The following TRPV1 variants were observed in gnomAD, a reference collection of about 807,000 sequenced individuals.
TRPV1 encodes OTRPC1.
TRPV1 carries 82 observed loss-of-function variants against 82.3 expected under a neutral mutation model. The observed-to-expected ratio is 1.00, with a 90% CI of 0.83 to 1.20. The LOEUF is 1.20. Among genes scored for constraint, TRPV1 ranks in the 50% most tolerant of loss-of-function variants. The pLI is 0.00. For synonymous variants in TRPV1, 515 were observed against 467.7 expected, an observed-to-expected ratio of 1.10 and a Z score of -1.30; for missense variants, 1,067 against 1,096.8, an observed-to-expected ratio of 0.97 and a Z score of 0.38.
At chr17:3,594,957 G>A (rs1426635280) in intron 2 of TRPV1, among the ~76,000 whole-genome samples, 2 of 152,306 alleles carry the variant, frequency 1.3e-5, no homozygotes, top group African/African-American at 2.4e-5. Flanking sequence ...AGGAGGCCGG[G>A]TTAGAACCAG....
chr17:3,588,194 C>T lies in TRPV1; in HGVS notation c.1218G>A (p.Glu406=). 1 of 1,559,898 alleles carries T rather than the reference C, an allele frequency of 6.4e-7. No individual in the cohort carries two copies. Among genetic ancestry groups the T allele is most frequent in the Non-Finnish European group, 8.7e-7 (1 of 1,152,000 alleles). ...CTGTGCCCCAGCCACTCACAGGGGTCTCGCTGCTGCTGTAGGCGATCACCT... is the reference window on the plus strand; with the variant it reads ...CTGTGCCCCAGCCACTCACAGGGGTTTCGCTGCTGCTGTAGGCGATCACCT... The part of the protein sequence containing the change: ...VLEVIAYSSS[E]TPNRHDMLLV... Residue 406 remains glutamate, a synonymous_variant, in exon 8 of 17, where the codon GAG becomes GAA. Coordinates refer to ENST00000572705, the MANE Select transcript of TRPV1 (RefSeq NM_080704.4).
At chr17:3,592,652 C>A in intron 2 of TRPV1, 2 of 439,106 alleles carry the variant, frequency 4.6e-6, no homozygotes, top group East Asian at 4.2e-5. Context: ...GGCTCAGAGC[C>A]ATCTGTGGTT....
At chr17:3,581,214 C>A (rs950448890) in intron 10 of TRPV1, among the ~76,000 whole-genome samples, 3 of 152,052 alleles carry the variant, frequency 2.0e-5, no homozygotes, top group African/African-American at 7.2e-5. Flanking sequence ...AACTCCTGGC[C>A]TCAGCCTCCC....
chr17:3,584,068 C>A (rs975440643), intron 9 of TRPV1, among the ~76,000 whole-genome samples: 1 of 151,710 alleles, frequency 6.6e-6, no homozygotes, highest in Non-Finnish European at 1.5e-5. Flanking sequence ...GTCGAGAGTT[C>A]GAGACCAGCC....
chr17:3,595,080 G>A (rs1018186), intron 2 of TRPV1, among the ~76,000 whole-genome samples: 24,265 of 152,088 alleles, frequency 0.16, 6,286 homozygotes, highest in African/African-American at 0.55. Context: ...ATAACACCCC[G>A]TCAAGGACCG....
At chr17:3,602,016 C>T (rs1160836278) in intron 2 of TRPV1, 1 of 152,098 alleles carries the variant, frequency 6.6e-6, no homozygotes, top group Admixed American at 6.6e-5. Flanking sequence ...GTGTTGAGTG[C>T]GTACAACGTC....
Position 3,579,655 on chromosome 17 carries a change from T to C in TRPV1, c.1547+802A>G, listed in dbSNP as rs534238313. Among the ~76,000 whole-genome samples the C allele has an allele frequency of 1.3e-3, 195 of 152,216 alleles. 1 individual carries two copies. Among genetic ancestry groups the C allele is most frequent in the African/African-American group, 4.6e-3 (190 of 41,536 alleles). ...CATGCCTGCCTAATTTTTGTATTTT[T>C]AGTAGAGACGGGGTTTCACCATGTT... On this transcript the variant is annotated intron_variant, in intron 11 of 16. Transcript: ENST00000572705.
At chr17:3,577,005 A>AC in intron 13 of TRPV1, 121 bp downstream of exon 13, 1 of 967,938 alleles carries the variant, frequency 1.0e-6, no homozygotes, top group Non-Finnish European at 1.5e-6. Context: ...CCACCCTCTC[A>AC]GTCACCTGCA....
At chr17:3,600,447 G>A (rs1287965577) in intron 2 of TRPV1, among the ~76,000 whole-genome samples, 4 of 152,132 alleles carry the variant, frequency 2.6e-5, no homozygotes, top group Non-Finnish European at 5.9e-5. Flanking sequence ...AAATTAGCTG[G>A]GCGTGGTGGT....
Position 3,588,240 on chromosome 17 carries a change from C to A in TRPV1, c.1172G>T (p.Cys391Phe). The change falls in exon 8 of 17, where the codon TGC (cysteine) becomes TTC (phenylalanine). Residue 391 changes from cysteine to phenylalanine, a missense_variant. By Grantham distance (205) the Cys-to-Phe change is radical. Transcript: ENST00000572705. ...SLYDLSCIDT[C>F]EKNSVLEVIA... ...CACCTCCAGCACCGAGTTCTTCTCG[C>A]AGGTGTCGATGCAGGACAGGTCGTA... 2 of 1,580,464 alleles carry A rather than the reference C, an allele frequency of 1.3e-6. No individual in the cohort carries two copies. Among genetic ancestry groups the A allele is most frequent in the Non-Finnish European group, 1.7e-6 (2 of 1,163,826 alleles).
chr17:3,584,134 G>A (rs978518788), intron 9 of TRPV1, among the ~76,000 whole-genome samples: 1 of 151,980 alleles, frequency 6.6e-6, no homozygotes, highest in African/African-American at 2.4e-5. Flanking sequence ...GCCAGGCGTG[G>A]TAGCTCATGG....
intron 11 of TRPV1, among the ~76,000 whole-genome samples, chr17:3,579,285 G>A (rs1015378848): frequency 6.6e-6 from 1 of 152,112 alleles, no homozygotes; most frequent in Non-Finnish European, 1.5e-5. Context: ...TGCGGTTTGT[G>A]AGTCGTACGG....
In TRPV1 at chr17:3,572,130, C is replaced by T; in HGVS notation, c.2223G>A (p.Trp741Ter). The T allele has an allele frequency of 7.4e-6, 12 of 1,613,388 alleles. No individual in the cohort carries two copies. Among genetic ancestry groups the T allele is most frequent in the African/African-American group, 1.3e-5 (1 of 75,058 alleles). ...TGGAGCCTGGGCATTACCTGAAGCA[C>T]CACCGGTAGTCGTCCTTGCCATCAG... ...YTPDGKDDYRWCFRVDEVNWT... is the reference protein window; with the variant it reads ...YTPDGKDDYR The change falls in exon 15 of 17, where the codon TGG becomes TGA. Residue 741 changes from tryptophan (W) to a stop codon, truncating the protein, a stop_gained. Coordinates refer to ENST00000572705, the MANE Select transcript of TRPV1 (RefSeq NM_080704.4). LOFTEE classifies it high-confidence loss of function.
At chr17:3,601,139 G>A (rs920160352) in intron 2 of TRPV1, among the ~76,000 whole-genome samples, 4 of 151,834 alleles carry the variant, frequency 2.6e-5, no homozygotes, top group South Asian at 2.1e-4. Context: ...CACCAAACCC[G>A]GTGCCCTTTG....
chr17:3,591,052 G>A lies in TRPV1; in HGVS notation c.516C>T (p.Thr172=), dbSNP rs866936584. The change falls in exon 5 of 17, where the codon ACC becomes ACT. Residue 172 remains threonine (T), a synonymous_variant. Coordinates refer to ENST00000572705, the MANE Select transcript of TRPV1 (RefSeq NM_080704.4). The stretch of plus-strand genomic sequence containing the variant: ...CGATCTCCAGGAGCAGGGGGATGGT[G>A]GTGTTCTGTCCGTCGTGCAGGTTGA... The part of the protein sequence containing the change: ...AMLNLHDGQN[T]TIPLLLEIAR... The A allele has an allele frequency of 2.5e-6, 4 of 1,613,078 alleles. No homozygotes were observed. Among genetic ancestry groups the A allele is most frequent in the Non-Finnish European group, 3.4e-6 (4 of 1,179,590 alleles).
chr17:3,590,480 C>T (rs1045057283), intron 5 of TRPV1, 88 bp from the exon 6 acceptor site: 3 of 1,533,550 alleles, frequency 2.0e-6, no homozygotes, highest in Admixed American at 2.1e-5. Context: ...GGGCAGGCAG[C>T]AGCTGCTGCA....
At chr17:3,580,627 G>T in intron 10 of TRPV1, 100 bp from the exon 11 acceptor site, 2 of 1,234,626 alleles carry the variant, frequency 1.6e-6, no homozygotes, top group Non-Finnish European at 2.4e-6. Flanking sequence ...TGGGGTGGTC[G>T]AATGTGTGAA....
chr17:3,571,432 C>T, intron 16 of TRPV1, 92 bp downstream of exon 16: 3 of 1,030,288 alleles, frequency 2.9e-6, no homozygotes, highest in South Asian at 1.5e-5. Context: ...GGATGAGGAA[C>T]CCGGCAAGGC....
intron 2 of TRPV1, among the ~76,000 whole-genome samples, chr17:3,601,201 C>T (rs2075260133): frequency 6.6e-6 from 1 of 152,084 alleles, no homozygotes; most frequent in Non-Finnish European, 1.5e-5. Context: ...CTGTGGCTTC[C>T]GTCCATCCCT....
Sources: allele counts gnomAD v4.1 joint callset (sites outside exome capture counted in the v4.1 genomes callset), GRCh38; gene constraint gnomAD v4.1.1; transcripts MANE v1.5; gene names NCBI Gene and HGNC (gene_info 2026-07-23, HGNC 2026-07-21).